Variants in APPL1 observed in about 807,000 individuals in gnomAD.
The protein encoded by APPL1 is adaptor protein, phosphotyrosine interacting with PH domain and leucine zipper 1, also known as DCC-interacting protein 13-alpha.
In APPL1, 42 loss-of-function variants were observed where a neutral mutation model predicts 106.8. That is an observed-to-expected ratio of 0.39 (90% confidence interval 0.31 to 0.51). The LOEUF (loss-of-function observed/expected upper bound fraction) is 0.51. Ranked by LOEUF, APPL1 falls within the 20% of genes least tolerant of loss-of-function variation. The pLI is 0.75. For synonymous variants in APPL1, 263 were observed against 281.8 expected (o/e 0.93, Z 0.67); for missense variants, 769 against 858.2 (o/e 0.90, Z 1.30).
At chr3:57,246,705 A>G (rs1433818060) in intron 8 of APPL1, among the ~76,000 whole-genome samples, 1 of 152,130 alleles carries the variant, frequency 6.6e-6, no homozygotes, top group Admixed American at 6.5e-5. Flanking sequence ...AAAAATCAAG[A>G]GTTTAAAGAA....
intron 13 of APPL1, 115 bp downstream of exon 13, chr3:57,253,853 A>C: frequency 1.2e-6 from 1 of 801,490 alleles, no homozygotes; most frequent in South Asian, 2.8e-5. Flanking sequence ...TTTGACCTTG[A>C]ATGAGTAGCT....
At position 57,247,474 on chromosome 3, in the gene APPL1, A is replaced by G. The variant is rs143408452; in HGVS notation, c.701A>G (p.Gln234Arg). 1 of 1,582,112 alleles carries G rather than the reference A, an allele frequency of 6.3e-7. No individual in the cohort carries two copies. Among genetic ancestry groups the G allele is most frequent in the Non-Finnish European group, 8.7e-7 (1 of 1,153,682 alleles). ...TTAGCTAATATTGGAACAAGCGTTC[A>G]GAAGTAAGTATTTTTTTCCTTAAAA... ...EFLANIGTSV[Q>R]NVRREMDSDI... The change falls in exon 9 of 22, where the codon CAG becomes CGG. Residue 234 changes from glutamine to arginine, a missense_variant. Physicochemically the swap from Gln to Arg is conservative, Grantham distance 43. Coordinates refer to ENST00000288266, the MANE Select transcript of APPL1 (RefSeq NM_012096.3).
At chr3:57,238,268 ACTTT>A (rs1403469362) in intron 4 of APPL1, 152 bp downstream of exon 4, 25 of 572,472 alleles carry the variant, frequency 4.4e-5, no homozygotes, top group Non-Finnish European at 1.8e-5. Flanking sequence ...TCAAAACAAT[ACTTT>A]CTTTACCTGA....
At chr3:57,260,196 A>G (rs377245252) in intron 18 of APPL1, 43 bp downstream of exon 18, 187 of 1,546,596 alleles carry the variant, frequency 1.2e-4, no homozygotes, top group Non-Finnish European at 3.7e-5. Flanking sequence ...GTCCCTTTGT[A>G]TATATACACA....
intron 13 of APPL1, among the ~76,000 whole-genome samples, chr3:57,256,006 T>C (rs2060833318): frequency 6.6e-6 from 1 of 152,196 alleles, no homozygotes. Context: ...GTCATTTTGC[T>C]AACCATAAGA....
chr3:57,234,499 C>T (rs183786263), intron 1 of APPL1, among the ~76,000 whole-genome samples: 8 of 151,692 alleles, frequency 5.3e-5, no homozygotes, highest in South Asian at 4.2e-4. Context: ...GGGGTTTCAC[C>T]GTGTTAGCCA....
At position 57,269,895 on chromosome 3, in the gene APPL1, A is replaced by C; in HGVS notation, c.*208A>C. ...CCCCCTTAAACATAATGTACTATGT[A>C]TTAACATCTAAAGGAAACCTGCTCA... On this transcript the variant is annotated 3_prime_UTR_variant, in exon 22 of 22. Transcript: ENST00000288266. 2.2e-6 allele frequency: 1 copy of C among 456,310 alleles called. No homozygotes were observed. The highest frequency in any genetic ancestry group is 3.7e-6 in the Non-Finnish European group (1 of 268,314). The allele number at this position is 456,310 out of a possible 1,614,324, so 28.3% of individuals were successfully genotyped here.
chr3:57,235,428 C>T, intron 1 of APPL1, 138 bp from the exon 2 acceptor site: 1 of 486,610 alleles, frequency 2.1e-6, no homozygotes, highest in Non-Finnish European at 3.6e-6. Flanking sequence ...ACATTACTAT[C>T]AAAAGAGACA....
At position 57,272,214 on chromosome 3, in the gene APPL1, A is replaced by G. The variant is rs2060946835; in HGVS notation, c.*2527A>G. 2 of 152,132 alleles carry G rather than the reference A, an allele frequency of 1.3e-5. No individual in the cohort carries two copies. The highest frequency in any genetic ancestry group is 4.8e-5 in the African/African-American group (2 of 41,360). The allele number at this position is 152,132 out of a possible 1,614,324, so 9.4% of individuals were successfully genotyped here. A position where few individuals can be genotyped will look rare whatever the true frequency, so the allele number is the denominator to read the frequency against. ...CTATTTGAACAGTATGTTTGTAACT[A>G]TGGCAATGAAGTCAGTAGATAGGAA... On this transcript the variant is annotated 3_prime_UTR_variant, in exon 22 of 22. Transcript: ENST00000288266.
At chr3:57,261,850 T>C (rs2060868153) in intron 19 of APPL1, among the ~76,000 whole-genome samples, 1 of 152,144 alleles carries the variant, frequency 6.6e-6, no homozygotes, top group South Asian at 2.1e-4. Context: ...CTCCATACTG[T>C]TTTCCATAGT....
Position 57,247,396 on chromosome 3 carries a change from T to A in APPL1, c.623T>A (p.Ile208Lys). Reference protein sequence around the residue: ...EPLLGYMQAQISFFKMGSENL... With the variant: ...EPLLGYMQAQKSFFKMGSENL... The stretch of plus-strand genomic sequence containing the variant: ...TTCCCCCCACTCCCCACTCTCCAGA[T>A]AAGTTTCTTTAAGATGGGTTCTGAA... Residue 208 changes from isoleucine (I) to lysine (K), a missense_variant and splice_region_variant, in exon 9 of 22, where the codon ATA becomes AAA. By Grantham distance (102) the Ile-to-Lys change is moderately radical (BLOSUM62 -3). Coordinates refer to ENST00000288266, the MANE Select transcript of APPL1 (RefSeq NM_012096.3). The A allele has an allele frequency of 1.9e-6, 3 of 1,598,138 alleles. 1 individual carries two copies. The South Asian group carries it at 3.3e-5, about 18-fold the overall frequency.
At chr3:57,229,287 A>G (rs1416638024) in intron 1 of APPL1, among the ~76,000 whole-genome samples, 1 of 152,012 alleles carries the variant, frequency 6.6e-6, no homozygotes, top group Non-Finnish European at 1.5e-5. Flanking sequence ...TTATTATGTA[A>G]GATTCAACAG....
intron 4 of APPL1, among the ~76,000 whole-genome samples, chr3:57,238,705 TTAA>T (rs1189432858): frequency 6.6e-6 from 1 of 152,206 alleles, no homozygotes; most frequent in African/African-American, 2.4e-5. Context: ...TTGAAATATT[TTAA>T]TAACCCATTA....
intron 19 of APPL1, among the ~76,000 whole-genome samples, chr3:57,263,698 CT>C (rs1322394599): frequency 6.6e-6 from 1 of 150,964 alleles, no homozygotes; most frequent in Admixed American, 6.6e-5. Flanking sequence ...GAATCTCATT[CT>C]TTTTTTCTGG....
chr3:57,248,644 C>T lies in APPL1; in HGVS notation c.863+293C>T, dbSNP rs9811405. Among the ~76,000 whole-genome samples the T allele has an allele frequency of 0.37, 55,849 of 151,926 alleles. 12,201 individuals are homozygous for T. Among genetic ancestry groups the T allele is most frequent in the East Asian group, 0.85 (4,382 of 5,168 alleles). ...CAGCACTTTGGGAGGCTGAGGCGGG[C>T]GGATCACCTGAGGTCAGGAGTTCGA... On this transcript the variant is annotated intron_variant, in intron 10 of 21. Coordinates refer to ENST00000288266, the MANE Select transcript of APPL1 (RefSeq NM_012096.3).
Position 57,246,107 on chromosome 3 carries a change from C to T in APPL1, c.506C>T (p.Thr169Ile). 1 of 1,610,054 alleles carries T rather than the reference C, an allele frequency of 6.2e-7. No individual in the cohort carries two copies. Among genetic ancestry groups the T allele is most frequent in the Non-Finnish European group, 8.5e-7 (1 of 1,178,054 alleles). The part of the protein sequence containing the change: ...VKYEVTEDVY[T>I]SRKKQHQTMM... ...TATGAAGTAACAGAAGATGTGTACA[C>T]ATCCAGAAAGAAACAACACCAGACC... is the stretch of plus-strand genomic sequence containing the variant. The change falls in exon 8 of 22, where the codon ACA becomes ATA. Residue 169 changes from threonine to isoleucine, a missense_variant. By Grantham distance (89) the Thr-to-Ile change is moderately conservative. Transcript: ENST00000288266.
At chr3:57,250,559 G>A (rs1445604424) in intron 11 of APPL1, among the ~76,000 whole-genome samples, 2 of 152,058 alleles carry the variant, frequency 1.3e-5, no homozygotes. Flanking sequence ...AATCAAAAGC[G>A]ACAATTAACT....
intron 5 of APPL1, 89 bp downstream of exon 5, chr3:57,240,641 G>A (rs2060741010): frequency 1.7e-6 from 2 of 1,154,002 alleles, no homozygotes; most frequent in Non-Finnish European, 2.6e-6. Context: ...ACCATTTCTG[G>A]ATGACAGCCT....
intron 9 of APPL1, 132 bp from the exon 10 acceptor site, chr3:57,248,061 G>A (rs923347223): frequency 7.3e-6 from 6 of 824,564 alleles, no homozygotes; most frequent in Non-Finnish European, 5.4e-6. Context: ...ATATATTCGT[G>A]TTGTTTTAAC....
Sources: gnomAD v4.1 joint callset for allele counts (sites outside exome capture counted in the v4.1 genomes callset) on GRCh38, gnomAD v4.1.1 for gene constraint, MANE v1.5 for transcripts, NCBI Gene and HGNC (gene_info 2026-07-23, HGNC 2026-07-21) for gene names.